The following RAI14 variants were observed in gnomAD, a reference collection of about 807,000 sequenced individuals.
RAI14 encodes the protein ankycorbin.
RAI14 carries 45 observed loss-of-function variants against 115.4 expected under a neutral mutation model. That is an observed-to-expected ratio of 0.39 (90% CI 0.31 to 0.50). The LOEUF (loss-of-function observed/expected upper bound fraction) is 0.50. Among genes scored for constraint, RAI14 ranks in the 20% least tolerant of loss-of-function variants. The pLI, the probability that RAI14 is intolerant of heterozygous loss-of-function variation, is 0.85. For missense variants in RAI14, 939 were observed against 1,131.2 expected, an observed-to-expected ratio of 0.83 and a Z score of 2.44; for synonymous variants, 371 against 415.4, an observed-to-expected ratio of 0.89 and a Z score of 1.30.
At chr5:34,790,556 A>T (rs569063496) in intron 3 of RAI14, among the ~76,000 whole-genome samples, 1 of 152,258 alleles carries the variant, frequency 6.6e-6, no homozygotes, top group Admixed American at 6.5e-5. Context: ...TATGGCAATG[A>T]TTCACTACTT....
chr5:34,698,537 C>A (rs114431638), intron 2 of RAI14, among the ~76,000 whole-genome samples: 4,937 of 152,020 alleles, frequency 0.032, 165 homozygotes, highest in Non-Finnish European at 0.048. Context: ...TTCAACATCG[C>A]AGGAGTTTAG....
intron 8 of RAI14, 123 bp from the exon 9 acceptor site, chr5:34,811,644 T>C: frequency 1.2e-6 from 1 of 804,430 alleles, no homozygotes; most frequent in Non-Finnish European, 1.9e-6. Context: ...TCCCTGAAGA[T>C]TAAGTGTAAT....
intron 3 of RAI14, 107 bp downstream of exon 3, chr5:34,757,705 C>A: frequency 7.4e-7 from 1 of 1,352,328 alleles, no homozygotes; most frequent in Non-Finnish European, 9.8e-7. Flanking sequence ...CCTCTCCACT[C>A]CCATGTTGAA....
At chr5:34,660,002 A>T (rs189869854) in intron 1 of RAI14, among the ~76,000 whole-genome samples, 1 of 151,666 alleles carries the variant, frequency 6.6e-6, no homozygotes, top group Admixed American at 6.6e-5. Context: ...ACATGGTAAA[A>T]CCTCATCTCT....
chr5:34,733,238 T>A (rs961180198), intron 2 of RAI14: 1 of 152,204 alleles, frequency 6.6e-6, no homozygotes, highest in Non-Finnish European at 1.5e-5. Flanking sequence ...CAGGGCTTTG[T>A]AGTTCTTGTT....
In RAI14 at chr5:34,672,870, T is replaced by A. The variant is rs553596073; in HGVS notation, c.-48-14002T>A. ...CCCAGGGAAACTTCCCCACCGTCTG[T>A]CCTTCTCACATTGTTTCTGCCTATC... On this transcript the variant is annotated intron_variant, in intron 1 of 17. Coordinates refer to ENST00000265109, the MANE Select transcript of RAI14 (RefSeq NM_015577.3). 1.9e-4 allele frequency among the ~76,000 whole-genome samples: 29 copies of A among 152,058 alleles called. No homozygotes were observed. In the South Asian group the frequency reaches 6.1e-3, roughly 32 times the overall value.
chr5:34,792,235 CTTT>C (rs55986330), intron 3 of RAI14, among the ~76,000 whole-genome samples: 2 of 127,480 alleles, frequency 1.6e-5, no homozygotes, highest in Non-Finnish European at 3.2e-5. Context: ...TTTCTTTTTT[CTTT>C]TTTTTTTTTT....
At position 34,762,576 on chromosome 5, in the gene RAI14, G is replaced by A. The variant is rs181402300; in HGVS notation, c.167+4978G>A. Among the ~76,000 whole-genome samples, 113 of 152,288 alleles carry A rather than the reference G, an allele frequency of 7.4e-4. 1 individual carries two copies. The highest frequency in any genetic ancestry group is 7.3e-3 in the Admixed American group (112 of 15,288). On this transcript the variant is annotated intron_variant, in intron 3 of 17. Transcript: ENST00000265109. ...CAATTGAATGACTGGAATTCATTTA[G>A]GAAAAGAATAAAGGAAGGGTGGTGT...
intron 1 of RAI14, among the ~76,000 whole-genome samples, chr5:34,661,059 G>T (rs1233773651): frequency 1.3e-5 from 2 of 152,294 alleles, no homozygotes; most frequent in Middle Eastern, 6.8e-3. Flanking sequence ...TATAGGTTGA[G>T]TATTCTTTAT....
chr5:34,687,933 G>T, intron 2 of RAI14: 1 of 944,390 alleles, frequency 1.1e-6, no homozygotes, highest in Non-Finnish European at 1.6e-6. Context: ...GCTGCATCAT[G>T]ACATGTAACT....
chr5:34,817,625 A>T (rs935063722), intron 12 of RAI14, among the ~76,000 whole-genome samples: 8 of 152,228 alleles, frequency 5.3e-5, no homozygotes, highest in Non-Finnish European at 8.8e-5. Context: ...AGATAATGAG[A>T]TATACCCATA....
chr5:34,669,239 C>T (rs918260334), intron 1 of RAI14, among the ~76,000 whole-genome samples: 1 of 152,198 alleles, frequency 6.6e-6, no homozygotes, highest in Non-Finnish European at 1.5e-5. Context: ...TTTTCTTCTA[C>T]AGTCTCTAAA....
At chr5:34,744,116 C>T (rs1337657360) in intron 2 of RAI14, among the ~76,000 whole-genome samples, 1 of 152,206 alleles carries the variant, frequency 6.6e-6, no homozygotes, top group East Asian at 1.9e-4. Context: ...TGCTCAGACA[C>T]ATGCCAGGAA....
intron 2 of RAI14, among the ~76,000 whole-genome samples, chr5:34,692,571 T>TAGAC (rs1386867053): frequency 6.6e-6 from 1 of 150,960 alleles, no homozygotes; most frequent in Non-Finnish European, 1.5e-5. Flanking sequence ...AGTCTCTCTG[T>TAGAC]AGACATAGGA....
chr5:34,734,696 C>G (rs1476872766), intron 2 of RAI14, among the ~76,000 whole-genome samples: 2 of 151,268 alleles, frequency 1.3e-5, no homozygotes, highest in African/African-American at 2.4e-5. Context: ...GAGTCTTGCT[C>G]TGTTGCGTAG....
At chr5:34,714,065 G>A (rs1741724163) in intron 2 of RAI14, among the ~76,000 whole-genome samples, 1 of 152,184 alleles carries the variant, frequency 6.6e-6, no homozygotes, top group Non-Finnish European at 1.5e-5. Flanking sequence ...GCCTCCCAAA[G>A]TGATGGGATT....
At chr5:34,751,289 C>T (rs1746982356) in intron 2 of RAI14, among the ~76,000 whole-genome samples, 1 of 151,372 alleles carries the variant, frequency 6.6e-6, no homozygotes, top group Non-Finnish European at 1.5e-5. Flanking sequence ...ATTATAGGTG[C>T]CCGCCATGCC....
At chr5:34,700,727 C>A (rs1739962903) in intron 2 of RAI14, among the ~76,000 whole-genome samples, 1 of 152,176 alleles carries the variant, frequency 6.6e-6, no homozygotes. Flanking sequence ...TAACAAGTAT[C>A]ATTGGAGGCC....
chr5:34,795,792 G>C, intron 3 of RAI14, 147 bp from the exon 4 acceptor site: 1 of 511,606 alleles, frequency 2.0e-6, no homozygotes, highest in Non-Finnish European at 3.4e-6. Context: ...AAGTGAGATT[G>C]ATAATAATGC....
Sources: allele counts gnomAD v4.1 joint callset (sites outside exome capture counted in the v4.1 genomes callset), GRCh38; gene constraint gnomAD v4.1.1; transcripts MANE v1.5; gene names NCBI Gene and HGNC (gene_info 2026-07-23, HGNC 2026-07-21).